SSR1: variants seen among roughly 807,000 people sequenced by gnomAD.
SSR1 encodes signal sequence receptor subunit 1.
Under a neutral mutation model 36.1 loss-of-function variants are expected in SSR1, and 13 were observed. The observed-to-expected ratio is 0.36, with a 90% CI of 0.23 to 0.57. SSR1 has a LOEUF of 0.57. Ranked by LOEUF, SSR1 falls within the 20% of genes least tolerant of loss-of-function variation. The pLI is 0.81. For missense variants in SSR1, 291 were observed against 338.5 expected, an observed-to-expected ratio of 0.86 and a Z score of 1.10; for synonymous variants, 113 against 118.9, an observed-to-expected ratio of 0.95 and a Z score of 0.32.
At chr6:7,300,766 C>G (rs891520929) in intron 4 of SSR1, among the ~76,000 whole-genome samples, 2 of 152,142 alleles carry the variant, frequency 1.3e-5, no homozygotes, top group African/African-American at 4.8e-5. Context: ...CCTCAGCCTC[C>G]CGAGTAGCTG....
intron 1 of SSR1, among the ~76,000 whole-genome samples, chr6:7,310,547 A>C (rs1758166993): frequency 6.6e-6 from 1 of 152,228 alleles, no homozygotes; most frequent in African/African-American, 2.4e-5. Flanking sequence ...TGCAAAGATA[A>C]GAAACTTCTA....
chr6:7,292,165 A>T (rs1046471328), intron 7 of SSR1, among the ~76,000 whole-genome samples: 4 of 152,200 alleles, frequency 2.6e-5, no homozygotes, highest in Admixed American at 6.5e-5. Context: ...TTGTGCTCTG[A>T]AACAGAACTT....
At chr6:7,297,091 T>G (rs773372071) in intron 6 of SSR1, 2 of 327,732 alleles carry the variant, frequency 6.1e-6, no homozygotes, top group Non-Finnish European at 1.2e-5. Context: ...TGTGGTGGCG[T>G]GCACCTGTAG....
rs1291362749 is a variant in SSR1 at position 7,284,630 on chromosome 6, AC to A, written c.*5233del. 3 of 152,118 alleles carry A rather than the reference AC, an allele frequency of 2.0e-5. No homozygotes were observed. The highest frequency in any genetic ancestry group is 4.4e-5 in the Non-Finnish European group (3 of 68,030). The allele number at this position is 152,118 out of a possible 1,614,324, so 9.4% of individuals were successfully genotyped here. ...CTCCTAACAACCTTAGGAGGCAGGA[AC>A]CAAAAGCTGAAGCATCATACAACTT... is the stretch of plus-strand genomic sequence containing the variant. On this transcript the variant is annotated 3_prime_UTR_variant, in exon 8 of 8. Transcript: ENST00000244763.
chr6:7,296,408 G>A lies in SSR1; in HGVS notation c.700-923C>T, dbSNP rs573814568. On this transcript the variant is annotated intron_variant, in intron 6 of 7. Coordinates refer to ENST00000244763, the MANE Select transcript of SSR1 (RefSeq NM_003144.5). The stretch of plus-strand genomic sequence containing the variant: ...AACCATTATGACAATGAGGCAAAGC[G>A]AGTTTTAGAAATTAACATTTAAACA... Among the ~76,000 whole-genome samples the A allele has an allele frequency of 5.8e-4, 89 of 152,212 alleles. 1 individual carries two copies. Among genetic ancestry groups the A allele is most frequent in the African/African-American group, 1.4e-3 (58 of 41,546 alleles).
chr6:7,301,707 C>T (rs1757938076), intron 3 of SSR1, 135 bp from the exon 4 acceptor site: 6 of 880,282 alleles, frequency 6.8e-6, no homozygotes, highest in Non-Finnish European at 1.0e-5. Context: ...TAGAGCACTC[C>T]AGTCACCTAC....
In SSR1 at chr6:7,303,615, T is replaced by A; in HGVS notation, c.215A>T (p.Asp72Val). 3 of 1,613,048 alleles carry A rather than the reference T, an allele frequency of 1.9e-6. No homozygotes were observed. The highest frequency in any genetic ancestry group is 2.5e-6 in the Non-Finnish European group (3 of 1,179,314). Residue 72 changes from aspartate (D) to valine (V), a missense_variant, in exon 3 of 8, where the codon GAT becomes GTT. Coordinates refer to ENST00000244763, the MANE Select transcript of SSR1 (RefSeq NM_003144.5). ...TGAAGCTTCAGGTTCACCAGACACA[T>A]CTTCTTCCTCTTTATCTTCTACCTA... ...TDLVEDKEEEDVSGEPEASPS... is the reference protein window; with the variant it reads ...TDLVEDKEEEVVSGEPEASPS...
At position 7,283,949 on chromosome 6, in the gene SSR1, G is replaced by C. The variant is rs1204699152; in HGVS notation, c.*5915C>G. 1 of 152,208 alleles carries C rather than the reference G, an allele frequency of 6.6e-6. No individual in the cohort carries two copies. The highest frequency in any genetic ancestry group is 2.4e-5 in the African/African-American group (1 of 41,438). The allele number at this position is 152,208 out of a possible 1,614,324, so 9.4% of individuals were successfully genotyped here. On this transcript the variant is annotated 3_prime_UTR_variant, in exon 8 of 8. Transcript: ENST00000244763. The stretch of plus-strand genomic sequence containing the variant: ...ATTACAGATAACAAGGTTACCTAGG[G>C]CAGTTGTGAAGATGAAATGAGGATG...
intron 2 of SSR1, among the ~76,000 whole-genome samples, chr6:7,304,428 C>T (rs1184175311): frequency 6.6e-6 from 1 of 152,090 alleles, no homozygotes; most frequent in Non-Finnish European, 1.5e-5. Flanking sequence ...CACCTCTGCT[C>T]TCAAGTACCT....
intron 7 of SSR1, 35 bp from the exon 8 acceptor site, chr6:7,289,966 T>C: frequency 1.3e-6 from 2 of 1,506,382 alleles, no homozygotes; most frequent in Non-Finnish European, 1.8e-6. Context: ...GCTTGCCTAT[T>C]ATAAGTATAT....
At chr6:7,291,035 C>T (rs1757669304) in intron 7 of SSR1, among the ~76,000 whole-genome samples, 2 of 152,162 alleles carry the variant, frequency 1.3e-5, no homozygotes, top group African/African-American at 4.8e-5. Flanking sequence ...CAGGCACACA[C>T]TATCACACCT....
At chr6:7,298,566 C>A in intron 5 of SSR1, 181 bp downstream of exon 5, 1 of 541,622 alleles carries the variant, frequency 1.8e-6, no homozygotes, top group East Asian at 2.9e-5. Flanking sequence ...AACTATCTTT[C>A]CTAATTTGAC....
chr6:7,312,701 T>C (rs1214767509), intron 1 of SSR1, among the ~76,000 whole-genome samples: 1 of 152,198 alleles, frequency 6.6e-6, no homozygotes, highest in African/African-American at 2.4e-5. Flanking sequence ...CGCAGCCGTG[T>C]CCAGCGCCTC....
chr6:7,304,959 T>C (rs1047092953), intron 2 of SSR1, among the ~76,000 whole-genome samples: 2 of 152,220 alleles, frequency 1.3e-5, no homozygotes, highest in Non-Finnish European at 2.9e-5. Flanking sequence ...TCAATGACTG[T>C]GAAACTGTGT....
chr6:7,309,035 C>A (rs761331107), intron 2 of SSR1, among the ~76,000 whole-genome samples: 2 of 152,218 alleles, frequency 1.3e-5, no homozygotes, highest in East Asian at 3.8e-4. Context: ...TATTTCATGT[C>A]TCCTTCCCTG....
intron 4 of SSR1, 71 bp from the exon 5 acceptor site, chr6:7,298,894 A>G: frequency 1.6e-6 from 2 of 1,236,422 alleles, no homozygotes; most frequent in Non-Finnish European, 2.3e-6. Context: ...AACATTACTT[A>G]AAACAGTTAC....
intron 7 of SSR1, among the ~76,000 whole-genome samples, chr6:7,290,260 T>C (rs1757653426): frequency 6.6e-6 from 1 of 152,262 alleles, no homozygotes; most frequent in Non-Finnish European, 1.5e-5. Context: ...AAGTAAACGC[T>C]TAAAAACTGC....
Position 7,288,498 on chromosome 6 carries a change from TG to T in SSR1, c.*1365del, listed in dbSNP as rs1757606154. On this transcript the variant is annotated 3_prime_UTR_variant, in exon 8 of 8. Transcript: ENST00000244763. ...ACTTTTTTCTGTGTGTATTTCGTTT[TG>T]TTTTTTTGTCTGTGTGGGCATGAGC... The T allele has an allele frequency of 1.3e-5, 2 of 152,630 alleles. No individual in the cohort carries two copies. The highest frequency in any genetic ancestry group is 4.1e-4 in the South Asian group (2 of 4,834). The allele number at this position is 152,630 out of a possible 1,614,324, so 9.5% of individuals were successfully genotyped here. A position where few individuals can be genotyped will look rare whatever the true frequency, so the allele number is the denominator to read the frequency against.
chr6:7,313,011 C>T lies in SSR1; in HGVS notation c.79+31G>A, dbSNP rs1228202546. 5.1e-6 allele frequency: 8 copies of T among 1,573,144 alleles called. No homozygotes were observed. The East Asian group carries it at 1.4e-4, about 28-fold the overall frequency. On this transcript the variant is annotated intron_variant, in intron 1 of 7. Coordinates refer to ENST00000244763, the MANE Select transcript of SSR1 (RefSeq NM_003144.5). Reference sequence around the variant, plus strand: ...GCCATCACTGGCATCTCCTTCCTGGCCATCCCCTCCGCACACTCCCCCAGC... The same window carrying T: ...GCCATCACTGGCATCTCCTTCCTGGTCATCCCCTCCGCACACTCCCCCAGC...
Sources: gnomAD v4.1 joint callset for allele counts (sites outside exome capture counted in the v4.1 genomes callset) on GRCh38, gnomAD v4.1.1 for gene constraint, MANE v1.5 for transcripts, NCBI Gene and HGNC (gene_info 2026-07-23, HGNC 2026-07-21) for gene names.